Variants in LRRFIP2 observed in about 807,000 individuals in gnomAD.
The protein encoded by LRRFIP2 is LRR binding FLII interacting protein 2.
Under a neutral mutation model 125.9 loss-of-function variants are expected in LRRFIP2, and 109 were observed. The observed-to-expected ratio is 0.87, with a 90% CI of 0.74 to 1.01. The LOEUF is 1.01. LRRFIP2 is among the 50% of genes least tolerant of loss of function. The probability of loss-of-function intolerance (pLI) is 0.00; values close to 1 mark genes in which losing one functional copy is unlikely to be tolerated. For synonymous variants in LRRFIP2, 291 were observed against 293.1 expected (o/e 0.99, Z 0.07); for missense variants, 850 against 862.3 (o/e 0.99, Z 0.18).
chr3:37,170,925 T>C (rs937599245), intron 1 of LRRFIP2: 2 of 151,906 alleles, frequency 1.3e-5, no homozygotes, highest in Admixed American at 6.6e-5. Context: ...AATACAAAAA[T>C]TGGCCCTGTG....
chr3:37,127,571 C>T (rs1305308946), intron 4 of LRRFIP2, 59 bp downstream of exon 4: 8 of 1,545,930 alleles, frequency 5.2e-6, no homozygotes, highest in Admixed American at 3.4e-5. Context: ...TGTTTTACTT[C>T]AAGACTGCAT....
chr3:37,054,284 C>A, intron 27 of LRRFIP2, 127 bp downstream of exon 27: 1 of 738,852 alleles, frequency 1.4e-6, no homozygotes, highest in Non-Finnish European at 2.2e-6. Flanking sequence ...AAAACCAACA[C>A]AAATTAGTTA....
At chr3:37,065,529 AAC>A (rs2089945556) in intron 23 of LRRFIP2, 1 of 565,272 alleles carries the variant, frequency 1.8e-6, no homozygotes. Flanking sequence ...CTCTTTGCAG[AAC>A]AGTTTGTAGT....
At chr3:37,115,967 T>C (rs1576862271) in intron 6 of LRRFIP2, among the ~76,000 whole-genome samples, 1 of 152,230 alleles carries the variant, frequency 6.6e-6, no homozygotes, top group Admixed American at 6.5e-5. Context: ...GTTCCTCAGG[T>C]AGTTTAAATA....
At chr3:37,174,314 G>A (rs1160545268) in intron 1 of LRRFIP2, 2 of 152,148 alleles carry the variant, frequency 1.3e-5, no homozygotes, top group African/African-American at 2.4e-5. Context: ...CATTTTTAAA[G>A]TCAAAAATGA....
chr3:37,072,295 G>C (rs1209988656), intron 21 of LRRFIP2, among the ~76,000 whole-genome samples: 1 of 152,124 alleles, frequency 6.6e-6, no homozygotes, highest in Non-Finnish European at 1.5e-5. Context: ...GAGGTCAGGA[G>C]TTGGAGACCA....
chr3:37,104,343 C>T (rs1025341247), intron 14 of LRRFIP2, among the ~76,000 whole-genome samples: 3 of 152,142 alleles, frequency 2.0e-5, no homozygotes, highest in African/African-American at 7.2e-5. Flanking sequence ...ATTTAAAGTC[C>T]CTGCCCTTTC....
At chr3:37,108,728 T>C (rs767398643) in intron 11 of LRRFIP2, 44 bp from the exon 12 acceptor site, 2 of 1,535,506 alleles carry the variant, frequency 1.3e-6, no homozygotes, top group Non-Finnish European at 1.8e-6. Flanking sequence ...AGCTTCAAGG[T>C]TGTTTTGAAA....
At chr3:37,086,949 C>T (rs769218741) in intron 18 of LRRFIP2, among the ~76,000 whole-genome samples, 2 of 151,898 alleles carry the variant, frequency 1.3e-5, no homozygotes, top group Non-Finnish European at 2.9e-5. Context: ...CAGCTTCGAC[C>T]TCCCCAGACT....
chr3:37,122,058 TCCCTCCC>T (rs2095073753), intron 4 of LRRFIP2, among the ~76,000 whole-genome samples: 1 of 122,810 alleles, frequency 8.1e-6, no homozygotes, highest in South Asian at 3.3e-4. Context: ...CCTAATGCTA[TCCCTCCC>T]CCCTCCCCCC....
intron 2 of LRRFIP2, among the ~76,000 whole-genome samples, chr3:37,142,455 G>A (rs889700456): frequency 4.6e-5 from 7 of 151,904 alleles, no homozygotes; most frequent in Admixed American, 6.6e-5. Context: ...CCAACCCAAC[G>A]TCTTTGCCCT....
At chr3:37,099,288 A>G (rs964151023) in intron 15 of LRRFIP2, among the ~76,000 whole-genome samples, 7 of 152,186 alleles carry the variant, frequency 4.6e-5, no homozygotes, top group Admixed American at 4.6e-4. Context: ...TAAAAGCCCA[A>G]TAGGATCCAA....
At chr3:37,114,657 T>A (rs2149474201) in intron 7 of LRRFIP2, among the ~76,000 whole-genome samples, 1 of 152,020 alleles carries the variant, frequency 6.6e-6, no homozygotes, top group South Asian at 2.1e-4. Flanking sequence ...TGGTGGCACA[T>A]GTTTATAGTA....
At chr3:37,133,418 C>T (rs931959308) in intron 2 of LRRFIP2, among the ~76,000 whole-genome samples, 12 of 151,972 alleles carry the variant, frequency 7.9e-5, no homozygotes, top group Admixed American at 2.0e-4. Context: ...TATCAATGGA[C>T]GAATGGATAG....
chr3:37,146,027 T>C (rs1046544354), intron 2 of LRRFIP2, among the ~76,000 whole-genome samples: 1 of 152,220 alleles, frequency 6.6e-6, no homozygotes. Context: ...TGCTGGATGT[T>C]AGAATCCTAT....
intron 13 of LRRFIP2, among the ~76,000 whole-genome samples, chr3:37,107,572 A>G: frequency 6.6e-6 from 1 of 152,330 alleles, no homozygotes; most frequent in Middle Eastern, 3.4e-3. Flanking sequence ...TTATTTTTAT[A>G]AACTTTTAAA....
intron 6 of LRRFIP2, among the ~76,000 whole-genome samples, chr3:37,119,235 A>G (rs1277257577): frequency 2.0e-5 from 3 of 152,198 alleles, no homozygotes; most frequent in Admixed American, 2.0e-4. Context: ...ATCCCATAGT[A>G]ACAAATTTTC....
At chr3:37,129,189 C>T (rs764698847) in intron 2 of LRRFIP2, 40 bp from the exon 3 acceptor site, 2 of 1,550,554 alleles carry the variant, frequency 1.3e-6, no homozygotes, top group Non-Finnish European at 8.9e-7. Context: ...ACAACAAAAA[C>T]AAAAACAACC....
Position 37,148,950 on chromosome 3 carries a change from G to A in LRRFIP2, c.34C>T (p.Pro12Ser), listed in dbSNP as rs2095934171. The A allele has an allele frequency of 1.9e-5, 31 of 1,613,884 alleles. No individual in the cohort carries two copies. Among genetic ancestry groups the A allele is most frequent in the Non-Finnish European group, 2.6e-5 (31 of 1,179,954 alleles). Residue 12 changes from proline (P) to serine (S), a missense_variant, in exon 2 of 28, where the codon CCT becomes TCT. Transcript: ENST00000336686. ...GTPASGRKRT[P>S]VKDRFSAEDE... ...TCTGCAGAAAATCGGTCTTTCACAG[G>A]TGTTCTTTTCCTTCCAGAAGCAGGA...
Sources: allele counts gnomAD v4.1 joint callset (sites outside exome capture counted in the v4.1 genomes callset), GRCh38; gene constraint gnomAD v4.1.1; transcripts MANE v1.5; gene names NCBI Gene and HGNC (gene_info 2026-07-23, HGNC 2026-07-21).